The following ITPR2 variants were observed in gnomAD, a reference collection of about 807,000 sequenced individuals.
ITPR2 encodes inositol 1,4,5-trisphosphate receptor type 2, also known as inositol 1,4,5-trisphosphate-gated calcium channel ITPR2.
ITPR2 carries 207 observed loss-of-function variants against 317.1 expected under a neutral mutation model. That is an observed-to-expected ratio of 0.65 (90% CI 0.58 to 0.73). The LOEUF is 0.73. ITPR2 is among the 30% of genes least tolerant of loss of function. The pLI is 0.00. For missense variants in ITPR2, 2,613 were observed against 3,284.0 expected (o/e 0.80, Z 4.99); for synonymous variants, 1,156 against 1,149.1 (o/e 1.01, Z -0.12).
chr12:26,763,954 T>C (rs754029058), intron 2 of ITPR2, among the ~76,000 whole-genome samples: 9 of 152,066 alleles, frequency 5.9e-5, no homozygotes, highest in Non-Finnish European at 1.0e-4. Context: ...CTTCAAAACC[T>C]GCTATAAAGC....
intron 21 of ITPR2, among the ~76,000 whole-genome samples, chr12:26,639,430 T>C (rs1263061489): frequency 2.0e-5 from 3 of 152,170 alleles, no homozygotes; most frequent in Admixed American, 6.5e-5. Context: ...GCTCATATAT[T>C]ATATAGATAA....
In ITPR2 at chr12:26,656,413, C is replaced by T. The variant is rs558075012; in HGVS notation, c.2328G>A (p.Ala776=). ...TGTGGAGCATGAGGCGACAGAAGGACGCTCGGAGGTCGAACGGCAGGCTCT... is the reference window on the plus strand; with the variant it reads ...TGTGGAGCATGAGGCGACAGAAGGATGCTCGGAGGTCGAACGGCAGGCTCT... ...SDESLPFDLR[A]SFCRLMLHMH... The change falls in exon 19 of 57, where the codon GCG becomes GCA. Residue 776 remains alanine, a synonymous_variant. Transcript: ENST00000381340. 1.4e-5 allele frequency: 23 copies of T among 1,614,184 alleles called. No individual in the cohort carries two copies. In the East Asian group the frequency reaches 2.7e-4, roughly 19 times the overall value.
chr12:26,435,429 GT>G, intron 48 of ITPR2, among the ~76,000 whole-genome samples: 1 of 152,202 alleles, frequency 6.6e-6, no homozygotes, highest in East Asian at 1.9e-4. Context: ...GCACTGCATG[GT>G]TATTATTAGC....
intron 45 of ITPR2, among the ~76,000 whole-genome samples, chr12:26,464,368 G>A (rs937520083): frequency 2.6e-5 from 4 of 152,140 alleles, no homozygotes; most frequent in Non-Finnish European, 5.9e-5. Flanking sequence ...TAAGGAGGAC[G>A]TTACCTAGAT....
intron 9 of ITPR2, among the ~76,000 whole-genome samples, chr12:26,704,262 T>TG (rs1401636409): frequency 1.3e-5 from 2 of 152,218 alleles, no homozygotes; most frequent in Non-Finnish European, 2.9e-5. Flanking sequence ...AAGCAATATA[T>TG]GTTAAAATAT....
chr12:26,670,285 C>G (rs1369635783), intron 13 of ITPR2, among the ~76,000 whole-genome samples: 3 of 152,214 alleles, frequency 2.0e-5, no homozygotes, highest in Non-Finnish European at 4.4e-5. Context: ...AGCAGCCTAA[C>G]TGGGAGGCAC....
chr12:26,514,391 T>C (rs1943436015), intron 37 of ITPR2, among the ~76,000 whole-genome samples: 2 of 152,258 alleles, frequency 1.3e-5, no homozygotes, highest in Non-Finnish European at 2.9e-5. Flanking sequence ...ATGATGTTTC[T>C]AAGCTTGAAA....
intron 1 of ITPR2, among the ~76,000 whole-genome samples, chr12:26,823,300 G>A (rs962541429): frequency 6.6e-6 from 1 of 152,074 alleles, no homozygotes; most frequent in Non-Finnish European, 1.5e-5. Context: ...CAGGTGCTGA[G>A]CATACAGGAT....
chr12:26,536,828 G>C (rs1027467606), intron 37 of ITPR2, among the ~76,000 whole-genome samples: 2 of 152,238 alleles, frequency 1.3e-5, no homozygotes, highest in Admixed American at 6.5e-5. Context: ...GAGAGCAATT[G>C]ACTGGGATGT....
rs553882102 is a variant in ITPR2 at position 26,380,251 on chromosome 12, A to G, written c.7857+7183T>C. On this transcript the variant is annotated intron_variant, in intron 55 of 56. Coordinates refer to ENST00000381340, the MANE Select transcript of ITPR2 (RefSeq NM_002223.4). Reference sequence around the variant, plus strand: ...CCTATTACTTCTGTCTCTGTTTCACAAACTAATAAGAGGAATAGAAAGATG... The same window carrying G: ...CCTATTACTTCTGTCTCTGTTTCACGAACTAATAAGAGGAATAGAAAGATG... Among the ~76,000 whole-genome samples, 10 of 152,324 alleles carry G rather than the reference A, an allele frequency of 6.6e-5. No homozygotes were observed. The East Asian group carries it at 1.7e-3, about 26-fold the overall frequency.
intron 26 of ITPR2, among the ~76,000 whole-genome samples, chr12:26,607,381 GA>G (rs1159161970): frequency 2.0e-5 from 3 of 152,132 alleles, no homozygotes; most frequent in Admixed American, 1.3e-4. Flanking sequence ...TAATGTAGTT[GA>G]AGCTGTTCAG....
At chr12:26,695,204 C>T (rs578078805) in intron 10 of ITPR2, among the ~76,000 whole-genome samples, 154 of 152,200 alleles carry the variant, frequency 1.0e-3, no homozygotes, top group African/African-American at 3.6e-3. Context: ...AAAAATCTAG[C>T]CCAACATCCA....
intron 37 of ITPR2, among the ~76,000 whole-genome samples, chr12:26,524,821 G>A (rs903113469): frequency 1.3e-5 from 2 of 152,050 alleles, no homozygotes; most frequent in Non-Finnish European, 2.9e-5. Context: ...AAATTAAGCA[G>A]GTTATCAATT....
chr12:26,428,912 G>A (rs541226917), intron 48 of ITPR2, among the ~76,000 whole-genome samples: 19 of 152,172 alleles, frequency 1.2e-4, no homozygotes, highest in Admixed American at 2.6e-4. Context: ...GATCAGCTCT[G>A]GGGCCTCAAA....
chr12:26,509,958 T>TTTTTTGTGTGTGTG (rs1247091708), intron 37 of ITPR2, among the ~76,000 whole-genome samples: 2 of 53,262 alleles, frequency 3.8e-5, no homozygotes, highest in East Asian at 1.2e-3. Context: ...GATAAGGGTT[T>TTTTTTGTGTGTGTG]TGTGTGTGTG....
intron 37 of ITPR2, among the ~76,000 whole-genome samples, chr12:26,529,797 C>T (rs1178693054): frequency 6.6e-6 from 1 of 152,168 alleles, no homozygotes; most frequent in Non-Finnish European, 1.5e-5. Flanking sequence ...AGATTCAATA[C>T]ATGATGGCTA....
intron 45 of ITPR2, among the ~76,000 whole-genome samples, chr12:26,472,860 G>C (rs974596867): frequency 6.6e-6 from 1 of 151,506 alleles, no homozygotes; most frequent in Admixed American, 6.6e-5. Context: ...TTTGTATTCT[G>C]TACTCTGTTT....
At position 26,352,863 on chromosome 12, in the gene ITPR2, A is replaced by C. The variant is rs549222267; in HGVS notation, c.7858-12535T>G. Among the ~76,000 whole-genome samples the C allele has an allele frequency of 4.5e-3, 691 of 152,018 alleles. 3 individuals carry two copies. The highest frequency in any genetic ancestry group is 0.015 in the South Asian group (72 of 4,824). ...CCATTTGTAAGGACCAATGGTGCAC[A>C]TCTCTTTCCACCTCTGCATCCAGTG... On this transcript the variant is annotated intron_variant, in intron 55 of 56. Coordinates refer to ENST00000381340, the MANE Select transcript of ITPR2 (RefSeq NM_002223.4).
intron 48 of ITPR2, among the ~76,000 whole-genome samples, chr12:26,428,580 C>T (rs752595217): frequency 6.6e-6 from 1 of 152,020 alleles, no homozygotes; most frequent in Non-Finnish European, 1.5e-5. Context: ...GCTTTAACTG[C>T]TAAATACACA....
Sources: gnomAD v4.1 joint callset for allele counts (sites outside exome capture counted in the v4.1 genomes callset) on GRCh38, gnomAD v4.1.1 for gene constraint, MANE v1.5 for transcripts, NCBI Gene and HGNC (gene_info 2026-07-23, HGNC 2026-07-21) for gene names.